The following GOLIM4 variants were observed in gnomAD, a reference collection of about 807,000 sequenced individuals.
The protein encoded by GOLIM4 is 130 kDa golgi-localized phosphoprotein.
Under a neutral mutation model 107.4 loss-of-function variants are expected in GOLIM4, and 71 were observed. That is an observed-to-expected ratio of 0.66 (90% confidence interval 0.55 to 0.81). The LOEUF (loss-of-function observed/expected upper bound fraction) is 0.81. Among genes scored for constraint, GOLIM4 ranks in the 30% least tolerant of loss-of-function variants. The pLI is 0.00. For missense variants in GOLIM4, 830 were observed against 826.1 expected (o/e 1.00, Z -0.06); for synonymous variants, 327 against 294.8 (o/e 1.11, Z -1.12).
At position 168,036,870 on chromosome 3, in the gene GOLIM4, G is replaced by T; in HGVS notation, c.809C>A (p.Thr270Lys). Residue 270 changes from threonine (T) to lysine (K), a missense_variant, in exon 8 of 16, where the codon ACA (threonine) becomes AAA (lysine). Physicochemically the swap from Thr to Lys is moderately conservative, Grantham distance 78. Transcript: ENST00000470487. The stretch of plus-strand genomic sequence containing the variant: ...CTCTCGGGTTGGCTTCTCCCTTGCT[G>T]TGTTGTAACCTTGTGGAGAATGTGC... The part of the protein sequence containing the change: ...QVAHSPQGYN[T>K]AREKPTREVQ... 6.2e-7 allele frequency: 1 copy of T among 1,613,666 alleles called. No individual in the cohort carries two copies. Among genetic ancestry groups the T allele is most frequent in the Non-Finnish European group, 8.5e-7 (1 of 1,179,720 alleles).
At chr3:168,034,760 G>A (rs1718541806) in intron 8 of GOLIM4, among the ~76,000 whole-genome samples, 2 of 152,092 alleles carry the variant, frequency 1.3e-5, no homozygotes, top group South Asian at 2.1e-4. Context: ...AGTCTTTCCC[G>A]TGCTGCTCTC....
intron 1 of GOLIM4, among the ~76,000 whole-genome samples, chr3:168,052,312 T>C (rs946905023): frequency 1.3e-5 from 2 of 152,044 alleles, no homozygotes; most frequent in African/African-American, 4.8e-5. Context: ...AGTTAAAGTC[T>C]AATAACAAAG....
At chr3:168,068,363 A>G (rs1720655776) in intron 1 of GOLIM4, among the ~76,000 whole-genome samples, 4 of 152,166 alleles carry the variant, frequency 2.6e-5, no homozygotes, top group Non-Finnish European at 4.4e-5. Flanking sequence ...CACTTTGTGT[A>G]AGAAAATAAA....
Position 168,048,243 on chromosome 3 carries a change from A to G in GOLIM4, c.262+48T>C, listed in dbSNP as rs373440087. On this transcript the variant is annotated intron_variant, in intron 2 of 15. Coordinates refer to ENST00000470487, the MANE Select transcript of GOLIM4 (RefSeq NM_014498.5). The stretch of plus-strand genomic sequence containing the variant: ...TGTAAACCAAGTATATGATACGTCA[A>G]AGAAGAGTACTGGAAAAACACAGAA... 2.7e-5 allele frequency: 27 copies of G among 982,954 alleles called. No homozygotes were observed. In the African/African-American group the frequency reaches 4.2e-4, roughly 15 times the overall value. 60.9% of individuals were successfully genotyped at this position (982,954 alleles called of 1,614,324 possible).
chr3:168,010,404 A>G lies in GOLIM4; in HGVS notation c.1956T>C (p.Asn652=), dbSNP rs1343618046. The change falls in exon 16 of 16, where the codon AAT becomes AAC. Residue 652 remains asparagine (N), a synonymous_variant. Transcript: ENST00000470487. ...GENDENTDDK[N]NDGEEQEVRD... The stretch of plus-strand genomic sequence containing the variant: ...GAACTTCTTGCTCTTCTCCATCATT[A>G]TTTTTATCATCAGTCTTAAAATTAA... 2 of 1,602,668 alleles carry G rather than the reference A, an allele frequency of 1.2e-6. No individual in the cohort carries two copies. The highest frequency in any genetic ancestry group is 1.1e-5 in the South Asian group (1 of 90,198).
chr3:168,043,577 T>G, intron 4 of GOLIM4, 48 bp from the exon 5 acceptor site: 1 of 1,485,104 alleles, frequency 6.7e-7, no homozygotes, highest in Non-Finnish European at 9.1e-7. Flanking sequence ...CTGAATTATA[T>G]GAGAGTCTAT....
At chr3:168,039,210 A>G (rs1392116892) in intron 7 of GOLIM4, among the ~76,000 whole-genome samples, 1 of 152,014 alleles carries the variant, frequency 6.6e-6, no homozygotes, top group East Asian at 1.9e-4. Context: ...CATCCTCGCC[A>G]AAAAAGATAT....
At chr3:168,054,651 C>T (rs1360991577) in intron 1 of GOLIM4, among the ~76,000 whole-genome samples, 1 of 146,888 alleles carries the variant, frequency 6.8e-6, no homozygotes, top group African/African-American at 2.7e-5. Flanking sequence ...ATTTTTATTA[C>T]TGTTATAAAT....
chr3:168,043,583 T>G, intron 4 of GOLIM4, 54 bp from the exon 5 acceptor site: 1 of 1,443,772 alleles, frequency 6.9e-7, no homozygotes, highest in Non-Finnish European at 9.4e-7. Flanking sequence ...TATATGAGAG[T>G]CTATTTCTTG....
intron 8 of GOLIM4, among the ~76,000 whole-genome samples, chr3:168,036,617 G>A (rs1718667098): frequency 6.6e-6 from 1 of 152,202 alleles, no homozygotes. Flanking sequence ...AGTTAGAAAT[G>A]CAAATCTTTA....
chr3:168,083,251 A>T (rs573019537), intron 1 of GOLIM4, among the ~76,000 whole-genome samples: 2 of 152,186 alleles, frequency 1.3e-5, no homozygotes, highest in Non-Finnish European at 2.9e-5. Context: ...TCTTTAAATC[A>T]AAAATATCTT....
intron 1 of GOLIM4, among the ~76,000 whole-genome samples, chr3:168,078,111 A>G (rs1486346579): frequency 2.0e-5 from 3 of 152,120 alleles, no homozygotes; most frequent in Non-Finnish European, 2.9e-5. Flanking sequence ...TTGAATACCA[A>G]TATTTTTAGG....
Position 168,058,163 on chromosome 3 carries a change from T to C in GOLIM4, c.188-9798A>G, listed in dbSNP as rs145051368. Among the ~76,000 whole-genome samples, 195 of 152,334 alleles carry C rather than the reference T, an allele frequency of 1.3e-3. 1 individual carries two copies. The East Asian group carries it at 0.014, about 11-fold the overall frequency. On this transcript the variant is annotated intron_variant, in intron 1 of 15. Transcript: ENST00000470487. ...ATTGCAGTATTTTTTTACTGTACAA[T>C]AAAGTTACTGTAATAGTTCACACAA...
chr3:168,040,041 G>A (rs1718895361), intron 7 of GOLIM4, among the ~76,000 whole-genome samples: 1 of 152,160 alleles, frequency 6.6e-6, no homozygotes, highest in Non-Finnish European at 1.5e-5. Flanking sequence ...GTTTACCTTT[G>A]TTCTTTTATC....
chr3:168,072,704 T>A (rs1720895084), intron 1 of GOLIM4, among the ~76,000 whole-genome samples: 1 of 152,144 alleles, frequency 6.6e-6, no homozygotes, highest in Non-Finnish European at 1.5e-5. Context: ...TTATCCAGGT[T>A]GGTTATTTGG....
chr3:168,076,241 G>C (rs900921117), intron 1 of GOLIM4, among the ~76,000 whole-genome samples: 10 of 152,152 alleles, frequency 6.6e-5, no homozygotes, highest in African/African-American at 2.4e-4. Context: ...AAGTGAATAT[G>C]GTAATTTTTT....
At chr3:168,091,270 G>T (rs1721895400) in intron 1 of GOLIM4, among the ~76,000 whole-genome samples, 1 of 152,062 alleles carries the variant, frequency 6.6e-6, no homozygotes, top group Non-Finnish European at 1.5e-5. Flanking sequence ...CTTATCCCTG[G>T]AAGTCCAAAA....
chr3:168,084,376 C>T (rs1721520228), intron 1 of GOLIM4, among the ~76,000 whole-genome samples: 1 of 152,144 alleles, frequency 6.6e-6, no homozygotes. Context: ...AATACACTTG[C>T]CCTGGGGGTA....
chr3:168,054,488 G>A (rs767606525), intron 1 of GOLIM4, among the ~76,000 whole-genome samples: 13 of 152,220 alleles, frequency 8.5e-5, no homozygotes, highest in Non-Finnish European at 1.2e-4. Context: ...AGAAAGATGC[G>A]TTCACACCCA....
Sources: gnomAD v4.1 joint callset for allele counts (sites outside exome capture counted in the v4.1 genomes callset) on GRCh38, gnomAD v4.1.1 for gene constraint, MANE v1.5 for transcripts, NCBI Gene and HGNC (gene_info 2026-07-23, HGNC 2026-07-21) for gene names.